The following ZGPAT variants were observed in gnomAD, a reference collection of about 807,000 sequenced individuals.
The protein encoded by ZGPAT is zinc finger CCCH-type with G patch domain-containing protein.
Under a neutral mutation model 47.9 loss-of-function variants are expected in ZGPAT, and 39 were observed. That is an observed-to-expected ratio of 0.81 (90% CI 0.63 to 1.06). ZGPAT has a LOEUF of 1.06. Among genes scored for constraint, ZGPAT ranks in the 50% least tolerant of loss-of-function variants. The pLI, the probability that ZGPAT is intolerant of heterozygous loss-of-function variation, is 0.00. For synonymous variants in ZGPAT, 348 were observed against 292.9 expected (o/e 1.19, Z -1.92); for missense variants, 717 against 681.4 (o/e 1.05, Z -0.58).
At chr20:63,720,149 A>AT (rs1190974400) in intron 2 of ZGPAT, among the ~76,000 whole-genome samples, 2 of 151,354 alleles carry the variant, frequency 1.3e-5, no homozygotes, top group Admixed American at 6.6e-5. Context: ...TTTTTAAAAA[A>AT]TTTTTTTTAA....
chr20:63,734,493 T>C, intron 4 of ZGPAT: 1 of 924,860 alleles, frequency 1.1e-6, no homozygotes, highest in Non-Finnish European at 1.6e-6. Context: ...TGGTGTCACA[T>C]GCCCACAGCA....
Position 63,734,760 on chromosome 20 carries a change from G to A in ZGPAT, c.927G>A (p.Trp309Ter). 1 of 1,613,898 alleles carries A rather than the reference G, an allele frequency of 6.2e-7. No individual in the cohort carries two copies. ...SGTCSSAFAGWEVHTRGIGSR... is the reference protein window; with the variant it reads ...SGTCSSAFAG The stretch of plus-strand genomic sequence containing the variant: ...CCTGCAGCTCTGCCTTTGCTGGCTG[G>A]GAGGTGCACACGCGAGGTATAGGCT... The change falls in exon 5 of 7, where the codon TGG becomes TGA. Residue 309 changes from tryptophan to a stop codon, truncating the protein, a stop_gained. Coordinates refer to ENST00000355969, the MANE Select transcript of ZGPAT (RefSeq NM_181485.3). LOFTEE classifies it high-confidence loss of function.
intron 2 of ZGPAT, 56 bp from the exon 3 acceptor site, chr20:63,733,163 T>C: frequency 6.3e-7 from 1 of 1,590,290 alleles, no homozygotes; most frequent in Non-Finnish European, 8.6e-7. Flanking sequence ...GCTCCTGGGT[T>C]GGTTTGCCCC....
intron 2 of ZGPAT, among the ~76,000 whole-genome samples, chr20:63,720,496 G>A (rs1021063650): frequency 1.3e-5 from 2 of 151,922 alleles, no homozygotes; most frequent in Admixed American, 6.6e-5. Context: ...CTCTCACCCA[G>A]GCTGTAGTGC....
Position 63,709,109 on chromosome 20 carries a change from C to T in ZGPAT, c.529C>T (p.Leu177=), listed in dbSNP as rs1285946260. The T allele has an allele frequency of 1.9e-6, 3 of 1,613,184 alleles. No individual in the cohort carries two copies. Among genetic ancestry groups the T allele is most frequent in the East Asian group, 2.2e-5 (1 of 44,884 alleles). Residue 177 remains leucine (L), a synonymous_variant, in exon 2 of 7, where the codon CTG becomes TTG. Transcript: ENST00000355969. ...TTACCTGTACCCCACTCACAAGTCT[C>T]TGAAGCCGTGCCCGTTCTTCCTGGA... ...VLYLYPTHKS[L]KPCPFFLEGK...
rs1454578263 is a variant in ZGPAT at position 63,708,541 on chromosome 20, C to T, written c.-28-12C>T. The stretch of plus-strand genomic sequence containing the variant: ...CCGAGACGCGGGGCTCAGCTGGCTT[C>T]TCTTCTTGCAGCCCTGGTCCAGCGC... On this transcript the variant is annotated splice_polypyrimidine_tract_variant and intron_variant, in intron 1 of 6. Transcript: ENST00000355969. The T allele has an allele frequency of 5.2e-6, 8 of 1,535,776 alleles. No individual in the cohort carries two copies. The highest frequency in any genetic ancestry group is 6.2e-6 in the Non-Finnish European group (7 of 1,137,986).
At chr20:63,725,994 A>G (rs2091842077) in intron 2 of ZGPAT, among the ~76,000 whole-genome samples, 1 of 151,404 alleles carries the variant, frequency 6.6e-6, no homozygotes, top group East Asian at 2.0e-4. Context: ...TGCCACCACC[A>G]TGCCCAGCTA....
intron 2 of ZGPAT, among the ~76,000 whole-genome samples, chr20:63,723,176 C>T (rs1273881853): frequency 6.8e-6 from 1 of 147,930 alleles, no homozygotes; most frequent in African/African-American, 2.5e-5. Context: ...GACACAGCTC[C>T]ATCCTCCCTT....
At chr20:63,734,311 T>C in intron 4 of ZGPAT, 1 of 305,256 alleles carries the variant, frequency 3.3e-6, no homozygotes, top group South Asian at 5.3e-5. Context: ...GGATCAGTGA[T>C]GGTGGTTTCT....
chr20:63,721,853 TA>T, intron 2 of ZGPAT, among the ~76,000 whole-genome samples: 1 of 151,966 alleles, frequency 6.6e-6, no homozygotes, highest in South Asian at 2.1e-4. Flanking sequence ...CCGTCTCTAG[TA>T]AAAATACAAA....
Position 63,734,807 on chromosome 20 carries a change from G to A in ZGPAT, c.974G>A (p.Gly325Asp). The A allele has an allele frequency of 6.2e-7, 1 of 1,602,292 alleles. No homozygotes were observed. The highest frequency in any genetic ancestry group is 8.5e-7 in the Non-Finnish European group (1 of 1,173,776). ...GGCTCCAGACTCCTCACCAAGATGG[G>A]CTATGAGTTTGGCAAGGGTGAGTAC... ...GIGSRLLTKMGYEFGKGLGRH... is the reference protein window; with the variant it reads ...GIGSRLLTKMDYEFGKGLGRH... The change falls in exon 5 of 7, where the codon GGC becomes GAC. Residue 325 changes from glycine to aspartate, a missense_variant. Physicochemically the swap from Gly to Asp is moderately conservative, Grantham distance 94. Transcript: ENST00000355969.
At position 63,709,056 on chromosome 20, in the gene ZGPAT, A is replaced by G; in HGVS notation, c.476A>G (p.Glu159Gly). ...ATGGTGGTGGGAACGGAAGAGGCGG[A>G]GGATGGCTCGGCGGGTGTCCGTGTG... The part of the protein sequence containing the change: ...NAMVVGTEEA[E>G]DGSAGVRVLY... Residue 159 changes from glutamate to glycine, a missense_variant, in exon 2 of 7, where the codon GAG (glutamate) becomes GGG (glycine). Physicochemically the swap from Glu to Gly is moderately conservative, Grantham distance 98. Transcript: ENST00000355969. The G allele has an allele frequency of 6.2e-7, 1 of 1,613,692 alleles. No individual in the cohort carries two copies. Among genetic ancestry groups the G allele is most frequent in the Non-Finnish European group, 8.5e-7 (1 of 1,179,998 alleles).
chr20:63,734,119 C>A, intron 4 of ZGPAT: 1 of 291,510 alleles, frequency 3.4e-6, no homozygotes, highest in Non-Finnish European at 6.5e-6. Flanking sequence ...TCCTGGCAGA[C>A]AGAGGTTGTG....
intron 2 of ZGPAT, among the ~76,000 whole-genome samples, chr20:63,730,631 C>T (rs1405628152): frequency 3.3e-5 from 5 of 152,124 alleles, no homozygotes; most frequent in East Asian, 1.9e-4. Flanking sequence ...ACTATAGGCA[C>T]GCGCCACCAC....
chr20:63,714,427 T>TAAA (rs553069740), intron 2 of ZGPAT, among the ~76,000 whole-genome samples: 2 of 133,442 alleles, frequency 1.5e-5, no homozygotes, highest in African/African-American at 2.8e-5. Context: ...ACCCTGTCTT[T>TAAA]AAAAAAAAAA....
intron 2 of ZGPAT, among the ~76,000 whole-genome samples, chr20:63,726,491 C>T (rs1268087971): frequency 7.0e-6 from 1 of 143,714 alleles, no homozygotes; most frequent in African/African-American, 2.6e-5. Context: ...ATGAGCCCGG[C>T]CTTGAATTTT....
At chr20:63,733,522 G>C in intron 3 of ZGPAT, 65 bp from the exon 4 acceptor site, 2 of 1,613,068 alleles carry the variant, frequency 1.2e-6, no homozygotes, top group South Asian at 2.2e-5. Context: ...CTCATGTCCA[G>C]GGTGGTTCCC....
intron 2 of ZGPAT, among the ~76,000 whole-genome samples, chr20:63,726,204 A>AAT (rs1555829755): frequency 1.4e-5 from 2 of 146,204 alleles, no homozygotes; most frequent in Non-Finnish European, 3.0e-5. Flanking sequence ...CATCTAATTA[A>AAT]TTTTTTTTTT....
At chr20:63,733,025 T>C (rs1485761726) in intron 2 of ZGPAT, among the ~76,000 whole-genome samples, 194 bp from the exon 3 acceptor site, 2 of 151,522 alleles carry the variant, frequency 1.3e-5, no homozygotes, top group Admixed American at 6.6e-5. Flanking sequence ...TATGTGTGCG[T>C]GAGTGTGTGC....
Sources: gnomAD v4.1 joint callset for allele counts (sites outside exome capture counted in the v4.1 genomes callset) on GRCh38, gnomAD v4.1.1 for gene constraint, MANE v1.5 for transcripts, NCBI Gene and HGNC (gene_info 2026-07-23, HGNC 2026-07-21) for gene names.